FRMD5: variants seen among roughly 807,000 people sequenced by gnomAD.
FRMD5 encodes the protein FERM domain-containing protein 5.
FRMD5 carries 20 observed loss-of-function variants against 69.0 expected under a neutral mutation model. That is an observed-to-expected ratio of 0.29 (90% CI 0.20 to 0.42). FRMD5 has a LOEUF of 0.42. Among genes scored for constraint, FRMD5 ranks in the 10% least tolerant of loss-of-function variants. The pLI is 1.00. For synonymous variants in FRMD5, 271 were observed against 260.1 expected (o/e 1.04, Z -0.40); for missense variants, 595 against 708.6 (o/e 0.84, Z 1.82).
At chr15:44,035,173 G>T (rs1355086811) in intron 1 of FRMD5, among the ~76,000 whole-genome samples, 1 of 151,970 alleles carries the variant, frequency 6.6e-6, no homozygotes, top group Non-Finnish European at 1.5e-5. Flanking sequence ...ACTCTTCCGG[G>T]GCTAAGTCAC....
At chr15:43,947,002 C>T (rs971682497) in intron 1 of FRMD5, among the ~76,000 whole-genome samples, 1 of 152,180 alleles carries the variant, frequency 6.6e-6, no homozygotes, top group Non-Finnish European at 1.5e-5. Context: ...TGGAAAAGTA[C>T]AAGCTTTTAA....
At chr15:44,169,814 C>A (rs2077769796) in intron 1 of FRMD5, among the ~76,000 whole-genome samples, 1 of 152,040 alleles carries the variant, frequency 6.6e-6, no homozygotes, top group South Asian at 2.1e-4. Flanking sequence ...AATATGGTAA[C>A]TATAACTATT....
At chr15:43,919,938 A>G (rs1177822367) in intron 2 of FRMD5, 129 bp from the exon 3 acceptor site, 4 of 826,362 alleles carry the variant, frequency 4.8e-6, no homozygotes, top group Non-Finnish European at 4.0e-6. Context: ...CTTATGAAAG[A>G]TAAGTTTGGT....
intron 8 of FRMD5, among the ~76,000 whole-genome samples, chr15:43,890,629 G>A (rs1015669957): frequency 2.6e-5 from 4 of 152,208 alleles, no homozygotes; most frequent in Non-Finnish European, 5.9e-5. Context: ...TTGTTGGACA[G>A]GAGATTGCAA....
intron 1 of FRMD5, among the ~76,000 whole-genome samples, chr15:44,069,967 T>A (rs776263436): frequency 2.6e-5 from 4 of 152,166 alleles, no homozygotes; most frequent in Non-Finnish European, 1.5e-5. Context: ...AAGAGGATTA[T>A]AATAACTACT....
chr15:44,098,130 T>C (rs150433141), intron 1 of FRMD5, among the ~76,000 whole-genome samples: 1 of 29,552 alleles, frequency 3.4e-5, no homozygotes, highest in Non-Finnish European at 9.2e-5. Flanking sequence ...AAAAAAAAAC[T>C]AAACAACAAC....
chr15:44,081,953 C>T (rs1442072493), intron 1 of FRMD5, among the ~76,000 whole-genome samples: 2 of 151,950 alleles, frequency 1.3e-5, no homozygotes, highest in East Asian at 3.8e-4. Context: ...TATCCTAAGG[C>T]CTTTCATGAT....
At chr15:43,890,738 G>T (rs1389322539) in intron 8 of FRMD5, among the ~76,000 whole-genome samples, 1 of 152,208 alleles carries the variant, frequency 6.6e-6, no homozygotes, top group East Asian at 1.9e-4. Context: ...CTCCAGGGCA[G>T]CAGCTGCCTT....
At chr15:44,120,340 A>G (rs1273307087) in intron 1 of FRMD5, among the ~76,000 whole-genome samples, 4 of 152,210 alleles carry the variant, frequency 2.6e-5, no homozygotes, top group African/African-American at 9.6e-5. Context: ...GGCCTGAAAT[A>G]AGACAGAGGC....
intron 1 of FRMD5, among the ~76,000 whole-genome samples, chr15:43,942,957 G>C (rs943332924): frequency 9.9e-5 from 15 of 152,104 alleles, no homozygotes; most frequent in African/African-American, 3.4e-4. Context: ...ATGGGGTTTT[G>C]CCGGCTGGGC....
At chr15:43,997,253 G>C (rs1889977067) in intron 1 of FRMD5, among the ~76,000 whole-genome samples, 1 of 152,136 alleles carries the variant, frequency 6.6e-6, no homozygotes, top group Non-Finnish European at 1.5e-5. Flanking sequence ...CTTGTTTACG[G>C]CATCTTTGCT....
At position 44,106,002 on chromosome 15, in the gene FRMD5, C is replaced by T. The variant is rs190188814; in HGVS notation, c.102+88951G>A. Among the ~76,000 whole-genome samples, 1,447 of 152,212 alleles carry T rather than the reference C, an allele frequency of 9.5e-3. 8 individuals carry two copies. The highest frequency in any genetic ancestry group is 0.024 in the Middle Eastern group (7 of 294). On this transcript the variant is annotated intron_variant, in intron 1 of 13. Coordinates refer to ENST00000417257, the MANE Select transcript of FRMD5 (RefSeq NM_032892.5). ...TTATCTTTCTGGGTTACTTATAATA[C>T]CTAATACAATGTAAATGTATGTAAA...
At chr15:43,931,555 C>G (rs1305407811) in intron 1 of FRMD5, among the ~76,000 whole-genome samples, 1 of 151,956 alleles carries the variant, frequency 6.6e-6, no homozygotes, top group African/African-American at 2.4e-5. Context: ...ACCCTAAGGA[C>G]AGTTTGACAA....
chr15:43,914,363 G>A (rs1212039809), intron 4 of FRMD5, among the ~76,000 whole-genome samples: 3 of 152,038 alleles, frequency 2.0e-5, no homozygotes, highest in Non-Finnish European at 4.4e-5. Context: ...ATTATGTTTA[G>A]TACGTCTTCC....
At chr15:43,890,265 G>A (rs749608068) in intron 8 of FRMD5, among the ~76,000 whole-genome samples, 2 of 152,174 alleles carry the variant, frequency 1.3e-5, no homozygotes, top group Non-Finnish European at 2.9e-5. Context: ...AGTGAGATTG[G>A]GTTTACATCT....
chr15:44,160,364 A>G lies in FRMD5; in HGVS notation c.102+34589T>C, dbSNP rs972300202. 1.1e-4 allele frequency among the ~76,000 whole-genome samples: 17 copies of G among 152,320 alleles called. No individual in the cohort carries two copies. In the East Asian group the frequency reaches 1.7e-3, roughly 16 times the overall value. On this transcript the variant is annotated intron_variant, in intron 1 of 13. Transcript: ENST00000417257. ...AGTGAGACTCCATCTCAAAAAATAA[A>G]TAAATAAATAACTGGGAAAGTTTTG... is the stretch of plus-strand genomic sequence containing the variant.
At chr15:44,180,184 C>A (rs2077973041) in intron 1 of FRMD5, among the ~76,000 whole-genome samples, 1 of 152,022 alleles carries the variant, frequency 6.6e-6, no homozygotes, top group Non-Finnish European at 1.5e-5. Context: ...CTTGTCTAAG[C>A]CTCATTGCAC....
chr15:44,198,437 C>T (rs1014351803), upstream of FRMD5, among the ~76,000 whole-genome samples: 2 of 151,818 alleles, frequency 1.3e-5, no homozygotes, highest in African/African-American at 4.8e-5. Flanking sequence ...CCAGAGAGAA[C>T]TTCAAACTCT....
Position 43,884,869 on chromosome 15 carries a change from A to T in FRMD5, c.960-74T>A. 5 of 1,308,078 alleles carry T rather than the reference A, an allele frequency of 3.8e-6. No homozygotes were observed. In the South Asian group the frequency reaches 6.0e-5, roughly 16 times the overall value. The allele number at this position is 1,308,078 out of a possible 1,614,324, so 81.0% of individuals were successfully genotyped here. A position where few individuals can be genotyped will look rare whatever the true frequency, so the allele number is the denominator to read the frequency against. On this transcript the variant is annotated intron_variant, in intron 11 of 13. Transcript: ENST00000417257. ...TAGGACAGCTCCTCTCCAAGATCTT[A>T]GGTGCTTTCCCTGAATCAGGAAATG... is the stretch of plus-strand genomic sequence containing the variant.
Sources: gnomAD v4.1 joint callset for allele counts (sites outside exome capture counted in the v4.1 genomes callset) on GRCh38, gnomAD v4.1.1 for gene constraint, MANE v1.5 for transcripts, NCBI Gene and HGNC (gene_info 2026-07-23, HGNC 2026-07-21) for gene names.